Variants in P2RX2 observed in about 807,000 individuals in gnomAD.
P2RX2 encodes the protein purinergic receptor P2X 2.
A neutral mutation model predicts 54.8 loss-of-function variants in P2RX2; 50 were observed. The observed-to-expected ratio is 0.91, with a 90% CI of 0.73 to 1.15. The LOEUF (loss-of-function observed/expected upper bound fraction) is 1.15. P2RX2 is among the 50% of genes most tolerant of loss of function. The pLI is 0.00. For synonymous variants in P2RX2, 289 were observed against 259.4 expected (o/e 1.11, Z -1.09); for missense variants, 658 against 633.2 (o/e 1.04, Z -0.42).
rs763193729 is a variant in P2RX2 at position 132,619,579 on chromosome 12, G to A, written c.309+5G>A. ...GAGTACGTGAAGCCCCCCGAGGTGC[G>A]GGCCGCCCCCTGCCCCCCGCCCCGC... On this transcript the variant is annotated splice_donor_5th_base_variant and intron_variant, in intron 2 of 10. Transcript: ENST00000643471. 1.2e-6 allele frequency: 2 copies of A among 1,608,618 alleles called. No individual in the cohort carries two copies. The highest frequency in any genetic ancestry group is 1.7e-5 in the Admixed American group (1 of 59,788).
chr12:132,620,888 AGGGG>A, intron 7 of P2RX2, 109 bp from the exon 8 acceptor site: 3 of 543,104 alleles, frequency 5.5e-6, no homozygotes, highest in South Asian at 8.9e-5. Flanking sequence ...CGGGCTCTCG[AGGGG>A]CCTCTCGTGT....
At chr12:132,620,885 T>C in intron 7 of P2RX2, 116 bp from the exon 8 acceptor site, 1 of 615,222 alleles carries the variant, frequency 1.6e-6, no homozygotes, top group Non-Finnish European at 2.1e-6. Flanking sequence ...ACCCGGGCTC[T>C]CGAGGGGCCT....
Position 132,622,303 on chromosome 12 carries a change from C to T in P2RX2, c.*331C>T. ...GCCCTGGGAACCCCACCCCACCCCA[C>T]CCCACAGGCGTTGTAACCTTGAATC... On this transcript the variant is annotated 3_prime_UTR_variant, in exon 11 of 11. Transcript: ENST00000643471. 1 of 1,081,828 alleles carries T rather than the reference C, an allele frequency of 9.2e-7. No individual in the cohort carries two copies. The highest frequency in any genetic ancestry group is 2.3e-5 in the South Asian group (1 of 44,420). The allele number at this position is 1,081,828 out of a possible 1,614,324, so 67.0% of individuals were successfully genotyped here. A position where few individuals can be genotyped will look rare whatever the true frequency, so the allele number is the denominator to read the frequency against.
rs201624265 is a variant in P2RX2, at chr12:132,619,865, A to T, written c.403A>T (p.Thr135Ser). 6.3e-7 allele frequency: 1 copy of T among 1,593,040 alleles called. No homozygotes were observed. Among genetic ancestry groups the T allele is most frequent in the East Asian group, 2.3e-5 (1 of 43,164 alleles). ...CPESIRVHNA[T>S]CLSDADCVAG... is the part of the protein sequence containing the mutation. The stretch of plus-strand genomic sequence containing the variant: ...CTAGAGCATAAGGGTCCACAACGCC[A>T]CCTGCCTCTCCGACGCCGACTGCGT... The change falls in exon 4 of 11, where the codon ACC becomes TCC. Residue 135 changes from threonine (T) to serine (S), a missense_variant. Transcript: ENST00000643471.
intron 7 of P2RX2, 155 bp downstream of exon 7, chr12:132,620,738 G>C (rs2041630292): frequency 1.9e-6 from 2 of 1,074,710 alleles, no homozygotes. Flanking sequence ...ATCCGGTGTG[G>C]CGCTTGCTGA....
In P2RX2 at chr12:132,620,255, G is replaced by A. The variant is rs1339583296; in HGVS notation, c.555-12G>A. The A allele has an allele frequency of 3.1e-6, 5 of 1,612,094 alleles. No homozygotes were observed. The highest frequency in any genetic ancestry group is 1.3e-5 in the African/African-American group (1 of 74,870). On this transcript the variant is annotated splice_polypyrimidine_tract_variant and intron_variant, in intron 5 of 10. Coordinates refer to ENST00000643471, the MANE Select transcript of P2RX2 (RefSeq NM_170682.4). ...GAAGAGGGGACTAAACAACCCTTCT[G>A]TGCCTCCTCAGCCAATTTCTGGGTA...
chr12:132,621,809 C>A lies in P2RX2; in HGVS notation c.1253C>A (p.Pro418Gln). 1 of 1,606,730 alleles carries A rather than the reference C, an allele frequency of 6.2e-7. No homozygotes were observed. The highest frequency in any genetic ancestry group is 1.1e-5 in the South Asian group (1 of 90,250). ...TCCGAGGACCAGCACCCCAGCCCTC[C>A]ATCAGGCCAGGAGGGCCAACAAGGG... ...HRSEDQHPSP[P>Q]SGQEGQQGAE... Residue 418 changes from proline (P) to glutamine (Q), a missense_variant, in exon 11 of 11, where the codon CCA becomes CAA. Transcript: ENST00000643471.
chr12:132,621,524 T>G lies in P2RX2; in HGVS notation c.1046T>G (p.Leu349Arg). Residue 349 changes from leucine to arginine, a missense_variant, in exon 10 of 11, where the codon CTG (leucine) becomes CGG (arginine). Physicochemically the swap from Leu to Arg is moderately radical, Grantham distance 102. Transcript: ENST00000643471. The stretch of plus-strand genomic sequence containing the variant: ...ACCATTATTAATCTGGCCACAGCTC[T>G]GACTTCCGTCGGGGTGGTAAGGAAC... ...IPTIINLATA[L>R]TSVGVGSFLC... is the part of the protein sequence containing the mutation. The G allele has an allele frequency of 6.4e-7, 1 of 1,569,556 alleles. No individual in the cohort carries two copies. The highest frequency in any genetic ancestry group is 1.2e-5 in the South Asian group (1 of 84,040).
chr12:132,618,851 C>T lies in P2RX2; in HGVS notation c.35C>T (p.Ala12Val). The T allele has an allele frequency of 1.5e-6, 2 of 1,360,686 alleles. No homozygotes were observed. The highest frequency in any genetic ancestry group is 1.9e-6 in the Non-Finnish European group (2 of 1,050,582). The allele number at this position is 1,360,686 out of a possible 1,614,324, so 84.3% of individuals were successfully genotyped here. The stretch of plus-strand genomic sequence containing the variant: ...GCCCAGCCCAAGTACCCCGCCGGGG[C>T]GACCGCCCGGCGCCTGGCCCGGGGC... ...AAAQPKYPAG[A>V]TARRLARGCW... The change falls in exon 1 of 11, where the codon GCG (alanine) becomes GTG (valine). Residue 12 changes from alanine (A) to valine (V), a missense_variant. Transcript: ENST00000643471.
chr12:132,618,777 G>T lies in P2RX2; in HGVS notation c.-40G>T, dbSNP rs1407852055. On this transcript the variant is annotated 5_prime_UTR_variant, in exon 1 of 11. Transcript: ENST00000643471. ...CGGTGCGCAGCGGGGCCGACCCTCA[G>T]CCCTGCAGCGCCTTCCTGGAGGTGG... 3.4e-6 allele frequency: 4 copies of T among 1,190,786 alleles called. No individual in the cohort carries two copies. Among genetic ancestry groups the T allele is most frequent in the African/African-American group, 1.6e-5 (1 of 62,312 alleles). 73.8% of individuals were successfully genotyped at this position (1,190,786 alleles called of 1,614,324 possible). A position where few individuals can be genotyped will look rare whatever the true frequency, so the allele number is the denominator to read the frequency against.
At chr12:132,620,150 G>A (rs1444078381) in intron 5 of P2RX2, 54 bp downstream of exon 5, 4 of 1,516,946 alleles carry the variant, frequency 2.6e-6, no homozygotes, top group Admixed American at 3.8e-5. Flanking sequence ...CTTTTCCCCT[G>A]ACCAGAGGCC....
At position 132,621,213 on chromosome 12, in the gene P2RX2, T is replaced by A. The variant is rs568178443; in HGVS notation, c.906-42T>A. Reference sequence around the variant, plus strand: ...AGGCCCAATGCCTGTGGGGCAGCCCTGGAGTGCAGAGGACGAGTGGGCACT... The same window carrying A: ...AGGCCCAATGCCTGTGGGGCAGCCCAGGAGTGCAGAGGACGAGTGGGCACT... On this transcript the variant is annotated intron_variant, in intron 8 of 10. Transcript: ENST00000643471. 1.4e-4 allele frequency: 223 copies of A among 1,613,934 alleles called. No individual in the cohort carries two copies. The South Asian group carries it at 2.4e-3, about 17-fold the overall frequency.
At position 132,621,121 on chromosome 12, in the gene P2RX2, TACA is replaced by T. The variant is rs763934299; in HGVS notation, c.898_900del (p.Asn300del). 2.5e-6 allele frequency: 4 copies of T among 1,614,130 alleles called. No homozygotes were observed. Among genetic ancestry groups the T allele is most frequent in the Non-Finnish European group, 8.5e-7 (1 of 1,180,008 alleles). Reference sequence around the variant, plus strand: ...CAAGCACGTGCCTGCCTCGTCAGGCTACAACTTCAGGTGCTGTACTTGGGACAC... The same window carrying T: ...CAAGCACGTGCCTGCCTCGTCAGGCTACTTCAGGTGCTGTACTTGGGACAC... On this transcript the variant is annotated inframe_deletion, in exon 8 of 11. Coordinates refer to ENST00000643471, the MANE Select transcript of P2RX2 (RefSeq NM_170682.4).
At position 132,618,868 on chromosome 12, in the gene P2RX2, G is replaced by GGGGTCCTGTA; in HGVS notation, c.52_53insGGGTCCTGTA (p.Ala18GlyfsTer257). On this transcript the variant is annotated frameshift_variant, in exon 1 of 11. Coordinates refer to ENST00000643471, the MANE Select transcript of P2RX2 (RefSeq NM_170682.4). LOFTEE classifies it high-confidence loss of function. ...CGCCGGGGCGACCGCCCGGCGCCTG[G>GGGGTCCTGTA]CCCGGGGCTGCTGGTCCGCCCTCTG... 7.3e-7 allele frequency: 1 copy of GGGGTCCTGTA among 1,374,754 alleles called. No individual in the cohort carries two copies. Among genetic ancestry groups the GGGGTCCTGTA allele is most frequent in the Non-Finnish European group, 9.5e-7 (1 of 1,057,180 alleles). 85.2% of individuals were successfully genotyped at this position (1,374,754 alleles called of 1,614,324 possible). A position where few individuals can be genotyped will look rare whatever the true frequency, so the allele number is the denominator to read the frequency against.
At chr12:132,621,221 A>C (rs760530921) in intron 8 of P2RX2, 34 bp from the exon 9 acceptor site, 1 of 1,613,976 alleles carries the variant, frequency 6.2e-7, no homozygotes, top group Non-Finnish European at 8.5e-7. Context: ...CCTGGAGTGC[A>C]GAGGACGAGT....
chr12:132,621,643 T>C lies in P2RX2; in HGVS notation c.1087T>C (p.Leu363=), dbSNP rs1381779761. 1 of 1,613,674 alleles carries C rather than the reference T, an allele frequency of 6.2e-7. No individual in the cohort carries two copies. The highest frequency in any genetic ancestry group is 8.5e-7 in the Non-Finnish European group (1 of 1,179,796). ...GVGSFLCDWI[L]LTFMNKNKVY... is the part of the protein sequence containing the mutation. ...GGGCTCCTTCCTGTGCGACTGGATC[T>C]TGCTAACATTCATGAACAAAAACAA... Residue 363 remains leucine, a synonymous_variant, in exon 11 of 11, where the codon TTG becomes CTG. Transcript: ENST00000643471.
Position 132,621,470 on chromosome 12 carries a change from C to T in P2RX2, c.997-5C>T. The T allele has an allele frequency of 6.4e-7, 1 of 1,567,904 alleles. No individual in the cohort carries two copies. The highest frequency in any genetic ancestry group is 1.4e-5 in the African/African-American group (1 of 73,964). ...CATTCTGACCACGACCCCCATTCTCCCCAGGCCGGGAAGTTCAGCCTGATT... is the reference window on the plus strand; with the variant it reads ...CATTCTGACCACGACCCCCATTCTCTCCAGGCCGGGAAGTTCAGCCTGATT... On this transcript the variant is annotated splice_polypyrimidine_tract_variant and splice_region_variant and intron_variant, in intron 9 of 10. Transcript: ENST00000643471.
At chr12:132,621,215 G>A in intron 8 of P2RX2, 40 bp from the exon 9 acceptor site, 1 of 1,613,978 alleles carries the variant, frequency 6.2e-7, no homozygotes, top group Non-Finnish European at 8.5e-7. Context: ...GGCAGCCCTG[G>A]AGTGCAGAGG....
At chr12:132,619,348 C>A in intron 1 of P2RX2, 91 bp from the exon 2 acceptor site, 2 of 1,472,632 alleles carry the variant, frequency 1.4e-6, no homozygotes, top group Non-Finnish European at 1.9e-6. Context: ...GCAGAGCGGA[C>A]CCGGGTCGCG....
Sources: allele counts gnomAD v4.1 joint callset, GRCh38; gene constraint gnomAD v4.1.1; transcripts MANE v1.5; gene names NCBI Gene and HGNC (gene_info 2026-07-23, HGNC 2026-07-21).